MCM3AP: variants seen among roughly 807,000 people sequenced by gnomAD.
MCM3AP encodes the protein minichromosome maintenance complex component 3 associated protein, also known as germinal-center associated nuclear protein.
In MCM3AP, 126 loss-of-function variants were observed where a neutral mutation model predicts 184.1. The observed-to-expected ratio is 0.68, with a 90% CI of 0.59 to 0.79. The LOEUF (loss-of-function observed/expected upper bound fraction) is 0.79, where lower values mean the gene tolerates loss of function less well. Ranked by LOEUF, MCM3AP falls within the 30% of genes least tolerant of loss-of-function variation. The pLI, the probability that MCM3AP is intolerant of heterozygous loss-of-function variation, is 0.00. For synonymous variants in MCM3AP, 1,002 were observed against 979.3 expected, an observed-to-expected ratio of 1.02 and a Z score of -0.43; for missense variants, 2,496 against 2,479.2, an observed-to-expected ratio of 1.01 and a Z score of -0.14.
intron 15 of MCM3AP, among the ~76,000 whole-genome samples, chr21:46,259,904 CAAAA>C (rs58993039): frequency 1.2e-5 from 1 of 80,266 alleles, no homozygotes; most frequent in Non-Finnish European, 2.4e-5. Flanking sequence ...AACTCCATTT[CAAAA>C]AAAAAAAAAA....
intron 10 of MCM3AP, chr21:46,266,438 A>C (rs2081113361): frequency 5.9e-6 from 2 of 340,294 alleles, no homozygotes; most frequent in Admixed American, 4.7e-5. Flanking sequence ...TGAGGACAGA[A>C]CTGGAAGGAG....
chr21:46,272,637 C>T lies in MCM3AP; in HGVS notation c.2389G>A (p.Gly797Ser). The change falls in exon 8 of 28, where the codon GGT (glycine) becomes AGT (serine). Residue 797 changes from glycine to serine, a missense_variant. By Grantham distance (56) the Gly-to-Ser change is moderately conservative. This residue lies in a region of MCM3AP where 105 missense variants were observed against 97.1 expected (regional missense o/e 1.08). Coordinates refer to ENST00000291688, the MANE Select transcript of MCM3AP (RefSeq NM_003906.5). ...KEMYQDLRNKGVFCASEAEFQ... is the reference protein window; with the variant it reads ...KEMYQDLRNKSVFCASEAEFQ... ...TCCGCTTCGCTGGCACAGAAGACAC[C>T]CTTGTTTCTCAGGTCCTGGTACATC... The T allele has an allele frequency of 1.9e-6, 3 of 1,614,202 alleles. No individual in the cohort carries two copies. The highest frequency in any genetic ancestry group is 2.5e-6 in the Non-Finnish European group (3 of 1,180,036).
intron 26 of MCM3AP, among the ~76,000 whole-genome samples, chr21:46,238,743 T>TGCTTGGCC (rs2080594054): frequency 6.6e-6 from 1 of 151,076 alleles, no homozygotes; most frequent in African/African-American, 2.4e-5. Flanking sequence ...CCAAACCACT[T>TGCTTGGCC]AAATTATAGA....
chr21:46,235,393 C>G lies in MCM3AP; in HGVS notation c.5818G>C (p.Glu1940Gln). ...TCGCCTAGACACGTTCCTGTCGCCT[C>G]TGACAGCTGCAGTTGCTCCCTCATC... ...DMMREQLQLS[E>Q]ATGTCLGERL... The change falls in exon 28 of 28, where the codon GAG becomes CAG. Residue 1940 changes from glutamate to glutamine, a missense_variant. Glu to Gln is a conservative substitution (Grantham distance 29). Coordinates refer to ENST00000291688, the MANE Select transcript of MCM3AP (RefSeq NM_003906.5). 6.2e-7 allele frequency: 1 copy of G among 1,614,126 alleles called. No homozygotes were observed. Among genetic ancestry groups the G allele is most frequent in the Non-Finnish European group, 8.5e-7 (1 of 1,180,008 alleles).
Position 46,256,813 on chromosome 21 carries a change from C to T in MCM3AP, c.3908G>A (p.Gly1303Glu). The change falls in exon 17 of 28, where the codon GGG becomes GAG. Residue 1303 changes from glycine to glutamate, a missense_variant. Physicochemically the swap from Gly to Glu is moderately conservative, Grantham distance 98. Around this residue, in one of 5 missense-constraint regions of MCM3AP, gnomAD observed 1,323 missense variants for 1,273.4 expected, o/e 1.04. Coordinates refer to ENST00000291688, the MANE Select transcript of MCM3AP (RefSeq NM_003906.5). ...ARGLLDLGHA[G>E]RLGISCTRLR... is the part of the protein sequence containing the mutation. ...CCTGGTGCAGGAGATGCCCAATCTCCCTGCATGGCCCAGGTCCAGGAGGCC... is the reference window on the plus strand; with the variant it reads ...CCTGGTGCAGGAGATGCCCAATCTCTCTGCATGGCCCAGGTCCAGGAGGCC... The T allele has an allele frequency of 6.4e-7, 1 of 1,558,196 alleles. No individual in the cohort carries two copies. The highest frequency in any genetic ancestry group is 8.7e-7 in the Non-Finnish European group (1 of 1,150,942).
chr21:46,246,945 G>A, intron 20 of MCM3AP, 59 bp from the exon 21 acceptor site: 5 of 1,570,958 alleles, frequency 3.2e-6, no homozygotes, highest in Middle Eastern at 1.9e-4. Flanking sequence ...AGCAGTGACT[G>A]ATCTGCCCCA....
chr21:46,242,663 G>A, intron 25 of MCM3AP, 139 bp downstream of exon 25: 1 of 782,214 alleles, frequency 1.3e-6, no homozygotes, highest in Non-Finnish European at 2.0e-6. Context: ...TACTGCATGG[G>A]AATGATCTGT....
At chr21:46,273,870 G>C (rs1211725734) in intron 6 of MCM3AP, among the ~76,000 whole-genome samples, 1 of 152,214 alleles carries the variant, frequency 6.6e-6, no homozygotes, top group Non-Finnish European at 1.5e-5. Flanking sequence ...CCAAAGCAGA[G>C]AGACGGGACA....
chr21:46,277,432 A>G, intron 5 of MCM3AP, 95 bp downstream of exon 5: 1 of 933,194 alleles, frequency 1.1e-6, no homozygotes, highest in Non-Finnish European at 1.6e-6. Context: ...CTCAACAGCA[A>G]TAGAGCCCAA....
At position 46,259,009 on chromosome 21, in the gene MCM3AP, C is replaced by T. The variant is rs767518395; in HGVS notation, c.3664G>A (p.Val1222Met). 2.5e-5 allele frequency: 41 copies of T among 1,614,060 alleles called. No individual in the cohort carries two copies. The highest frequency in any genetic ancestry group is 3.3e-5 in the Admixed American group (2 of 60,010). ...VCAHLVDLFL[V>M]EEIFQTAKET... is the part of the protein sequence containing the mutation. Reference sequence around the variant, plus strand: ...TTTGCAGTCTGGAAGATTTCCTCCACGAGAAACAAGTCCACTAAGTGGGCA... The same window carrying T: ...TTTGCAGTCTGGAAGATTTCCTCCATGAGAAACAAGTCCACTAAGTGGGCA... Residue 1222 changes from valine to methionine, a missense_variant, in exon 16 of 28, where the codon GTG becomes ATG. By Grantham distance (21) the Val-to-Met change is conservative. Transcript: ENST00000291688.
Position 46,284,056 on chromosome 21 carries a change from T to C in MCM3AP, c.1219+12A>G, listed in dbSNP as rs753171522. The C allele has an allele frequency of 4.4e-6, 7 of 1,607,154 alleles. No individual in the cohort carries two copies. Among genetic ancestry groups the C allele is most frequent in the Non-Finnish European group, 6.0e-6 (7 of 1,176,098 alleles). ...CAGGATTTACTCTATGTGCTACATTTTCAGAGCTCACCTTCTTTCTTCTCT... is the reference window on the plus strand; with the variant it reads ...CAGGATTTACTCTATGTGCTACATTCTCAGAGCTCACCTTCTTTCTTCTCT... On this transcript the variant is annotated intron_variant, in intron 1 of 27. Transcript: ENST00000291688.
chr21:46,247,043 G>T, intron 20 of MCM3AP, 157 bp from the exon 21 acceptor site: 1 of 639,000 alleles, frequency 1.6e-6, no homozygotes, highest in Non-Finnish European at 2.7e-6. Flanking sequence ...ATACCCTGTA[G>T]TTATCTTACT....
At position 46,245,095 on chromosome 21, in the gene MCM3AP, A is replaced by T; in HGVS notation, c.4750T>A (p.Phe1584Ile). Residue 1584 changes from phenylalanine (F) to isoleucine (I), a missense_variant, in exon 23 of 28, where the codon TTT becomes ATT. Around this residue, in one of 5 missense-constraint regions of MCM3AP, gnomAD observed 1,323 missense variants for 1,273.4 expected, o/e 1.04. Coordinates refer to ENST00000291688, the MANE Select transcript of MCM3AP (RefSeq NM_003906.5). Reference sequence around the variant, plus strand: ...CTGTCATGGAAAAAGCGGCCACTAAACTCATGGCCAATCCCGTCTTCGACG... The same window carrying T: ...CTGTCATGGAAAAAGCGGCCACTAATCTCATGGCCAATCCCGTCTTCGACG... ...QYVEDGIGHE[F>I]SGRFFHDRRE... 1.2e-6 allele frequency: 2 copies of T among 1,614,042 alleles called. No homozygotes were observed. Among genetic ancestry groups the T allele is most frequent in the Non-Finnish European group, 1.7e-6 (2 of 1,179,990 alleles).
Position 46,244,802 on chromosome 21 carries a change from C to T in MCM3AP, c.5038+5G>A, listed in dbSNP as rs773041652. ...CCACCAGACCTCCCCAGGTCAAGCA[C>T]GTACCCCCCAGGGGTGGAAGGTCCA... On this transcript the variant is annotated splice_donor_5th_base_variant and intron_variant, in intron 23 of 27. Coordinates refer to ENST00000291688, the MANE Select transcript of MCM3AP (RefSeq NM_003906.5). 23 of 1,605,448 alleles carry T rather than the reference C, an allele frequency of 1.4e-5. No individual in the cohort carries two copies. The highest frequency in any genetic ancestry group is 3.4e-5 in the Admixed American group (2 of 59,544).
chr21:46,250,132 A>G (rs1358383263), intron 20 of MCM3AP: 1 of 150,556 alleles, frequency 6.6e-6, no homozygotes, highest in East Asian at 1.9e-4. Flanking sequence ...AGAGAACTAC[A>G]TTAAGTGAGA....
chr21:46,266,025 A>T lies in MCM3AP; in HGVS notation c.2931T>A (p.His977Gln). ...NGGPLPPVPR[H>Q]TPVCSFNSQN... is the part of the protein sequence containing the mutation. The stretch of plus-strand genomic sequence containing the variant: ...GGGAGTTGAAGCTGCACACAGGGGT[A>T]TGACGAGGGACGGGGGGCAATGGCC... Residue 977 changes from histidine to glutamine, a missense_variant, in exon 11 of 28, where the codon CAT (histidine) becomes CAA (glutamine). Coordinates refer to ENST00000291688, the MANE Select transcript of MCM3AP (RefSeq NM_003906.5). The T allele has an allele frequency of 6.2e-7, 1 of 1,611,226 alleles. No individual in the cohort carries two copies. Among genetic ancestry groups the T allele is most frequent in the Non-Finnish European group, 8.5e-7 (1 of 1,178,764 alleles).
At chr21:46,279,721 A>C (rs1387413273) in intron 4 of MCM3AP, among the ~76,000 whole-genome samples, 2 of 152,244 alleles carry the variant, frequency 1.3e-5, no homozygotes, top group Non-Finnish European at 2.9e-5. Flanking sequence ...GGACAGAATC[A>C]CTGCTCTCCA....
intron 2 of MCM3AP, among the ~76,000 whole-genome samples, chr21:46,280,906 T>C (rs1280880337): frequency 2.0e-5 from 3 of 152,190 alleles, no homozygotes; most frequent in East Asian, 3.9e-4. Context: ...TCAGGGTTCA[T>C]GCATTCTCCT....
At chr21:46,263,827 C>T (rs2081073818) in intron 13 of MCM3AP, among the ~76,000 whole-genome samples, 1 of 134,456 alleles carries the variant, frequency 7.4e-6, no homozygotes, top group African/African-American at 2.8e-5. Context: ...CAGTACCACC[C>T]AGAACAATCT....
Sources: gnomAD v4.1 joint callset for allele counts (sites outside exome capture counted in the v4.1 genomes callset) on GRCh38, gnomAD v4.1.1 for gene constraint, gnomAD v4.1.1 regional missense constraint, MANE v1.5 for transcripts, NCBI Gene and HGNC (gene_info 2026-07-23, HGNC 2026-07-21) for gene names.